The following ALCAM variants were observed in gnomAD, a reference collection of about 807,000 sequenced individuals.
The protein encoded by ALCAM is CD166 antigen.
ALCAM carries 30 observed loss-of-function variants against 70.9 expected under a neutral mutation model. The observed-to-expected ratio is 0.42, with a 90% CI of 0.32 to 0.57. The LOEUF is 0.57. Ranked by LOEUF, ALCAM falls within the 20% of genes least tolerant of loss-of-function variation. The probability of loss-of-function intolerance (pLI) is 0.11; values close to 1 mark genes in which losing one functional copy is unlikely to be tolerated. For missense variants in ALCAM, 591 were observed against 695.1 expected (o/e 0.85, Z 1.68); for synonymous variants, 249 against 242.5 (o/e 1.03, Z -0.25).
chr3:105,390,237 T>C (rs1935780595), intron 1 of ALCAM, among the ~76,000 whole-genome samples: 2 of 151,944 alleles, frequency 1.3e-5, no homozygotes, highest in South Asian at 4.1e-4. Context: ...CTCCATAGCC[T>C]TGCCAGCATC....
At chr3:105,549,443 C>T (rs1226562021) in intron 11 of ALCAM, among the ~76,000 whole-genome samples, 6 of 151,156 alleles carry the variant, frequency 4.0e-5, no homozygotes, top group Non-Finnish European at 5.9e-5. Flanking sequence ...ATAAGATGAC[C>T]GAGAAAAGAG....
At chr3:105,574,159 T>G (rs1054261127) in intron 15 of ALCAM, among the ~76,000 whole-genome samples, 3 of 152,010 alleles carry the variant, frequency 2.0e-5, no homozygotes, top group Non-Finnish European at 4.4e-5. Flanking sequence ...TGAAGACAAA[T>G]CCCACGAAAT....
At chr3:105,427,229 CAAGGT>C (rs1172770912) in intron 1 of ALCAM, among the ~76,000 whole-genome samples, 1 of 151,860 alleles carries the variant, frequency 6.6e-6, no homozygotes, top group Non-Finnish European at 1.5e-5. Context: ...GAATGAGAGG[CAAGGT>C]AATCTCTCTC....
At chr3:105,479,287 C>G (rs917487476) in intron 1 of ALCAM, among the ~76,000 whole-genome samples, 2 of 151,900 alleles carry the variant, frequency 1.3e-5, no homozygotes, top group African/African-American at 4.8e-5. Flanking sequence ...AAAACCTTAC[C>G]AAAATGAGGC....
At chr3:105,517,236 G>T (rs1019352460) in intron 1 of ALCAM, among the ~76,000 whole-genome samples, 6 of 152,082 alleles carry the variant, frequency 3.9e-5, no homozygotes, top group African/African-American at 1.4e-4. Context: ...ACTCTCACAA[G>T]AAGAGAGAAG....
chr3:105,567,998 A>G (rs1940779701), intron 14 of ALCAM, among the ~76,000 whole-genome samples: 1 of 149,696 alleles, frequency 6.7e-6, no homozygotes, highest in South Asian at 2.1e-4. Flanking sequence ...TTTGTATTCC[A>G]TGTCTGTCTT....
intron 1 of ALCAM, among the ~76,000 whole-genome samples, chr3:105,396,900 G>C (rs868227554): frequency 7.9e-5 from 12 of 152,130 alleles, no homozygotes; most frequent in African/African-American, 2.9e-4. Flanking sequence ...ACTTTTAGGT[G>C]GCATGAAAGT....
chr3:105,475,516 A>G (rs1327174246), intron 1 of ALCAM, among the ~76,000 whole-genome samples: 1 of 152,020 alleles, frequency 6.6e-6, no homozygotes, highest in Admixed American at 6.6e-5. Context: ...TACTGAGTAG[A>G]GAAAATATAT....
At chr3:105,395,564 G>A (rs539447175) in intron 1 of ALCAM, among the ~76,000 whole-genome samples, 1 of 151,918 alleles carries the variant, frequency 6.6e-6, no homozygotes, top group South Asian at 2.1e-4. Context: ...TTACTATTAA[G>A]TTAAAAGCAA....
chr3:105,382,341 G>T (rs1180503475), intron 1 of ALCAM, among the ~76,000 whole-genome samples: 5 of 151,944 alleles, frequency 3.3e-5, no homozygotes, highest in Admixed American at 3.3e-4. Flanking sequence ...GTCTATCATT[G>T]TTGGACATTT....
intron 1 of ALCAM, among the ~76,000 whole-genome samples, chr3:105,444,510 C>T (rs950732243): frequency 6.6e-6 from 1 of 152,092 alleles, no homozygotes; most frequent in Non-Finnish European, 1.5e-5. Flanking sequence ...ATGGGGATTA[C>T]AATTTGCAGT....
intron 1 of ALCAM, among the ~76,000 whole-genome samples, chr3:105,499,409 T>C (rs1036763982): frequency 6.6e-6 from 1 of 152,186 alleles, no homozygotes; most frequent in African/African-American, 2.4e-5. Flanking sequence ...ATATTACCAG[T>C]TTGGAAAATA....
intron 1 of ALCAM, among the ~76,000 whole-genome samples, chr3:105,391,661 G>A (rs1163137253): frequency 6.6e-6 from 1 of 152,008 alleles, no homozygotes; most frequent in Admixed American, 6.6e-5. Context: ...TCCTTATATT[G>A]TGTCGGTTTT....
chr3:105,564,645 T>C (rs1940705463), intron 14 of ALCAM, among the ~76,000 whole-genome samples: 1 of 152,230 alleles, frequency 6.6e-6, no homozygotes, highest in African/African-American at 2.4e-5. Context: ...CTTCTTAGAA[T>C]ATTGAGTACC....
intron 1 of ALCAM, among the ~76,000 whole-genome samples, chr3:105,389,371 G>GT (rs371987714): frequency 0.11 from 6,446 of 58,080 alleles, 1,653 homozygotes; most frequent in African/African-American, 0.22. Flanking sequence ...TATATACATA[G>GT]TTTTTTTTTT....
At chr3:105,399,534 A>C (rs1936035665) in intron 1 of ALCAM, among the ~76,000 whole-genome samples, 1 of 152,154 alleles carries the variant, frequency 6.6e-6, no homozygotes, top group African/African-American at 2.4e-5. Context: ...TACACATATT[A>C]GGCCTAGATT....
chr3:105,394,903 G>C (rs1002621202), intron 1 of ALCAM, among the ~76,000 whole-genome samples: 2 of 151,938 alleles, frequency 1.3e-5, no homozygotes, highest in African/African-American at 4.8e-5. Context: ...TAGCAGACCT[G>C]TAAGGTTTGG....
intron 14 of ALCAM, among the ~76,000 whole-genome samples, chr3:105,561,097 A>G (rs1197291734): frequency 6.6e-6 from 1 of 152,156 alleles, no homozygotes; most frequent in East Asian, 1.9e-4. Context: ...TTAAATGTAG[A>G]CATTTGATAT....
intron 1 of ALCAM, among the ~76,000 whole-genome samples, chr3:105,411,746 C>T (rs1936395010): frequency 6.6e-6 from 1 of 151,952 alleles, no homozygotes; most frequent in South Asian, 2.1e-4. Context: ...CTTCTTCCAG[C>T]CTAAAAGACA....
Sources: gnomAD v4.1 joint callset for allele counts (sites outside exome capture counted in the v4.1 genomes callset) on GRCh38, gnomAD v4.1.1 for gene constraint, MANE v1.5 for transcripts, NCBI Gene and HGNC (gene_info 2026-07-23, HGNC 2026-07-21) for gene names.